HACD2: variants seen among roughly 807,000 people sequenced by gnomAD.
HACD2 encodes very-long-chain (3R)-3-hydroxyacyl-CoA dehydratase 2.
HACD2 carries 15 observed loss-of-function variants against 31.0 expected under a neutral mutation model. That is an observed-to-expected ratio of 0.48 (90% CI 0.32 to 0.75). The LOEUF (loss-of-function observed/expected upper bound fraction) is 0.75, where lower values mean the gene tolerates loss of function less well. HACD2 is among the 30% of genes least tolerant of loss of function. The pLI is 0.03. For synonymous variants in HACD2, 115 were observed against 122.2 expected (o/e 0.94, Z 0.39); for missense variants, 283 against 313.0 (o/e 0.90, Z 0.72).
rs545411885 is a variant in HACD2 at position 123,563,210 on chromosome 3, T to A, written c.292+4552A>T. On this transcript the variant is annotated intron_variant, in intron 3 of 6. Transcript: ENST00000383657. ...CACATAATACATTGTGAAGGTATAA[T>A]ACCGAGTTAGGTGCAAGGTATTATA... Among the ~76,000 whole-genome samples the A allele has an allele frequency of 1.6e-3, 251 of 152,318 alleles. 1 individual carries two copies. Among genetic ancestry groups the A allele is most frequent in the Non-Finnish European group, 2.9e-3 (197 of 68,030 alleles).
chr3:123,544,110 A>G (rs1017130526), intron 3 of HACD2, among the ~76,000 whole-genome samples: 9 of 152,086 alleles, frequency 5.9e-5, no homozygotes, highest in African/African-American at 2.2e-4. Flanking sequence ...CTGTACTAAT[A>G]CGGGGGTGGT....
chr3:123,561,791 A>C (rs73200044), intron 3 of HACD2, among the ~76,000 whole-genome samples: 55,269 of 151,398 alleles, frequency 0.37, 12,902 homozygotes, highest in Non-Finnish European at 0.52. Context: ...AAAAAAAAAA[A>C]CATATCTCAG....
chr3:123,507,730 TA>T (rs1198307932), intron 4 of HACD2, among the ~76,000 whole-genome samples: 2 of 151,998 alleles, frequency 1.3e-5, no homozygotes, highest in African/African-American at 4.8e-5. Context: ...ACAAAAATTT[TA>T]AAAAATAAAA....
intron 3 of HACD2, among the ~76,000 whole-genome samples, chr3:123,561,129 C>G (rs6780229): frequency 0.057 from 8,617 of 152,152 alleles, 806 homozygotes; most frequent in African/African-American, 0.2. Flanking sequence ...ATTCAGTTAG[C>G]TCTAATTAGT....
At chr3:123,510,338 C>G (rs935107168) in intron 4 of HACD2, among the ~76,000 whole-genome samples, 4 of 152,234 alleles carry the variant, frequency 2.6e-5, no homozygotes, top group African/African-American at 9.6e-5. Context: ...ACCTCCACCT[C>G]CCGGGTTCAA....
chr3:123,556,227 A>G (rs1054995913), intron 3 of HACD2, among the ~76,000 whole-genome samples: 2 of 152,078 alleles, frequency 1.3e-5, no homozygotes, highest in Admixed American at 1.3e-4. Flanking sequence ...TATTGACCCC[A>G]GGAGTTCAAG....
chr3:123,558,616 G>A (rs994513994), intron 3 of HACD2, among the ~76,000 whole-genome samples: 1 of 152,016 alleles, frequency 6.6e-6, no homozygotes, highest in African/African-American at 2.4e-5. Context: ...TGTTTACAGT[G>A]AATGAAGAGA....
chr3:123,570,608 T>C (rs1265542094), intron 2 of HACD2, among the ~76,000 whole-genome samples: 1 of 152,174 alleles, frequency 6.6e-6, no homozygotes, highest in Non-Finnish European at 1.5e-5. Context: ...ATTTATAAAG[T>C]GTCAAAATAA....
chr3:123,517,833 G>C (rs1293609337), intron 4 of HACD2, among the ~76,000 whole-genome samples: 2 of 152,210 alleles, frequency 1.3e-5, no homozygotes, highest in Non-Finnish European at 2.9e-5. Flanking sequence ...TCTTGGACCA[G>C]AAATATCAAA....
At chr3:123,543,897 CTT>C (rs2107723186) in intron 3 of HACD2, among the ~76,000 whole-genome samples, 2 of 152,110 alleles carry the variant, frequency 1.3e-5, no homozygotes, top group South Asian at 4.2e-4. Flanking sequence ...AAAATACAGT[CTT>C]TTTTCCCTTT....
chr3:123,575,188 C>A (rs2056895321), intron 2 of HACD2, among the ~76,000 whole-genome samples: 1 of 151,376 alleles, frequency 6.6e-6, no homozygotes, highest in South Asian at 2.1e-4. Context: ...TAACTTACTT[C>A]AGCCTGAAAC....
At chr3:123,543,312 C>T (rs1019426540) in intron 3 of HACD2, among the ~76,000 whole-genome samples, 4 of 152,052 alleles carry the variant, frequency 2.6e-5, no homozygotes, top group Non-Finnish European at 4.4e-5. Context: ...ACCAATAAAA[C>T]ACATTTTACA....
chr3:123,555,629 CA>C (rs2056665294), intron 3 of HACD2, among the ~76,000 whole-genome samples: 1 of 152,134 alleles, frequency 6.6e-6, no homozygotes. Context: ...TTGAAAGAGT[CA>C]ATATTGTTAA....
intron 2 of HACD2, 37 bp downstream of exon 2, chr3:123,582,175 A>G: frequency 7.5e-7 from 1 of 1,333,890 alleles, no homozygotes; most frequent in Non-Finnish European, 1.0e-6. Context: ...CTTCATACCA[A>G]TGGAAATCAA....
intron 3 of HACD2, among the ~76,000 whole-genome samples, chr3:123,554,035 A>C (rs1218279344): frequency 8.1e-5 from 1 of 12,380 alleles, no homozygotes; most frequent in Non-Finnish European, 1.7e-4. Context: ...ATGCTGCTGC[A>C]TTGTCACCTT....
chr3:123,518,434 G>A (rs1028126083), intron 4 of HACD2, among the ~76,000 whole-genome samples: 5 of 152,068 alleles, frequency 3.3e-5, no homozygotes, highest in Non-Finnish European at 5.9e-5. Context: ...GACCTCTGCC[G>A]CCAGTAGATA....
Position 123,557,713 on chromosome 3 carries a change from G to A in HACD2, c.292+10049C>T, listed in dbSNP as rs147646010. Among the ~76,000 whole-genome samples, 282 of 152,226 alleles carry A rather than the reference G, an allele frequency of 1.9e-3. 5 individuals are homozygous for A. Among genetic ancestry groups the A allele is most frequent in the Admixed American group, 4.3e-3 (66 of 15,294 alleles). On this transcript the variant is annotated intron_variant, in intron 3 of 6. Transcript: ENST00000383657. ...ATAAGCATATTAAAAGATGCTCTACGTCATGTATAATCAATACACCACTAC... is the reference window on the plus strand; with the variant it reads ...ATAAGCATATTAAAAGATGCTCTACATCATGTATAATCAATACACCACTAC...
chr3:123,530,211 A>AAACG (rs1173695535), intron 3 of HACD2, among the ~76,000 whole-genome samples: 1 of 152,126 alleles, frequency 6.6e-6, no homozygotes, highest in Non-Finnish European at 1.5e-5. Context: ...ACAAACAAAC[A>AAACG]AACAAAAAGT....
intron 4 of HACD2, among the ~76,000 whole-genome samples, chr3:123,504,019 T>C (rs760433744): frequency 1.3e-5 from 2 of 152,234 alleles, no homozygotes; most frequent in African/African-American, 2.4e-5. Flanking sequence ...GTTACTATTC[T>C]CTAAAAATAA....
Sources: allele counts gnomAD v4.1 joint callset (sites outside exome capture counted in the v4.1 genomes callset), GRCh38; gene constraint gnomAD v4.1.1; transcripts MANE v1.5; gene names NCBI Gene and HGNC (gene_info 2026-07-23, HGNC 2026-07-21).